The following STK32B variants were observed in gnomAD, a reference collection of about 807,000 sequenced individuals.
STK32B encodes serine/threonine kinase 32B.
In STK32B, 43 loss-of-function variants were observed where a neutral mutation model predicts 52.6. The ratio of observed to expected loss-of-function variants is 0.82; its 90% CI spans 0.64 to 1.05. STK32B has a LOEUF of 1.05. STK32B is among the 50% of genes least tolerant of loss of function. The pLI is 0.00. For synonymous variants in STK32B, 238 were observed against 204.3 expected (o/e 1.17, Z -1.41); for missense variants, 621 against 534.6 (o/e 1.16, Z -1.59).
the STK32B span, among the ~76,000 whole-genome samples, chr4:5,043,321 A>G: frequency 6.6e-6 from 1 of 152,148 alleles, no homozygotes; most frequent in Non-Finnish European, 1.5e-5. Context: ...TTAGAGCTCT[A>G]CTTGCAAGAG....
At chr4:5,297,582 T>C (rs1729284716) in intron 3 of STK32B, among the ~76,000 whole-genome samples, 1 of 152,064 alleles carries the variant, frequency 6.6e-6, no homozygotes, top group African/African-American at 2.4e-5. Flanking sequence ...TATACTTGTA[T>C]ATGCTTCACA....
intron 4 of STK32B, among the ~76,000 whole-genome samples, chr4:5,335,360 TTC>T (rs917867295): frequency 5.8e-4 from 88 of 152,334 alleles, no homozygotes; most frequent in Non-Finnish European, 4.1e-4. Context: ...TATTTGATTC[TTC>T]TCTCTTTTTT....
intron 1 of STK32B, among the ~76,000 whole-genome samples, chr4:5,074,986 C>T (rs1302442975): frequency 6.6e-6 from 1 of 152,158 alleles, no homozygotes; most frequent in Non-Finnish European, 1.5e-5. Flanking sequence ...ACTGAAATCT[C>T]TACTAAGCTC....
At chr4:5,079,746 C>T (rs187859234) in intron 1 of STK32B, among the ~76,000 whole-genome samples, 2 of 152,150 alleles carry the variant, frequency 1.3e-5, no homozygotes, top group African/African-American at 4.8e-5. Flanking sequence ...CTGTTCCCAG[C>T]TGGGCCAGGC....
intron 1 of STK32B, among the ~76,000 whole-genome samples, chr4:5,090,790 G>C (rs1156490574): frequency 1.3e-5 from 2 of 152,122 alleles, no homozygotes; most frequent in East Asian, 3.9e-4. Flanking sequence ...CCCATTGCTT[G>C]TTTTTGTCCA....
intron 2 of STK32B, chr4:5,140,373 C>A (rs1716346415): frequency 9.0e-7 from 1 of 1,111,400 alleles, no homozygotes; most frequent in Non-Finnish European, 1.1e-6. Flanking sequence ...GAGAAGATGG[C>A]AGGAGTTTTT....
Position 5,329,631 on chromosome 4 carries a change from C to T in STK32B, c.261-1589C>T, listed in dbSNP as rs559768042. ...CCAGCCCCTCCCAGGGCACTGTGCA[C>T]GCCTCCAGGGCGAAGACAGTTTCTT... On this transcript the variant is annotated intron_variant, in intron 3 of 11. Transcript: ENST00000282908. Among the ~76,000 whole-genome samples the T allele has an allele frequency of 6.6e-5, 10 of 152,288 alleles. No individual in the cohort carries two copies. In the East Asian group the frequency reaches 1.6e-3, roughly 24 times the overall value.
chr4:5,241,895 A>G (rs1725055984), intron 3 of STK32B, among the ~76,000 whole-genome samples: 1 of 152,200 alleles, frequency 6.6e-6, no homozygotes, highest in South Asian at 2.1e-4. Flanking sequence ...GTCCCTACAA[A>G]GGACATGAAC....
intron 11 of STK32B, among the ~76,000 whole-genome samples, chr4:5,484,511 C>T (rs1397544008): frequency 1.3e-5 from 2 of 152,132 alleles, no homozygotes; most frequent in Admixed American, 1.3e-4. Context: ...TTCCTGAATA[C>T]AGCACACGGA....
At chr4:5,103,791 C>A (rs1301874351) in intron 1 of STK32B, among the ~76,000 whole-genome samples, 1 of 152,132 alleles carries the variant, frequency 6.6e-6, no homozygotes, top group South Asian at 2.1e-4. Flanking sequence ...TTTAGGACTT[C>A]CATTATTTTT....
chr4:5,176,406 G>A (rs1449162416), intron 3 of STK32B, among the ~76,000 whole-genome samples: 2 of 146,644 alleles, frequency 1.4e-5, no homozygotes, highest in African/African-American at 5.0e-5. Context: ...ATTGGGAGCT[G>A]TAGACTGGAG....
At chr4:5,146,462 A>G (rs1018172132) in intron 2 of STK32B, among the ~76,000 whole-genome samples, 1 of 152,210 alleles carries the variant, frequency 6.6e-6, no homozygotes, top group African/African-American at 2.4e-5. Context: ...AAGAATCAGC[A>G]AGTCAGTTTC....
chr4:5,379,086 G>A (rs1216620609), intron 4 of STK32B, among the ~76,000 whole-genome samples: 2 of 152,142 alleles, frequency 1.3e-5, no homozygotes, highest in Non-Finnish European at 2.9e-5. Flanking sequence ...AGCCCTGAAT[G>A]AGGCTGCCCC....
intron 4 of STK32B, among the ~76,000 whole-genome samples, chr4:5,383,968 G>A (rs996738684): frequency 2.0e-5 from 3 of 152,208 alleles, no homozygotes; most frequent in African/African-American, 7.2e-5. Context: ...ATGAAGGAGG[G>A]GAGGTGATAG....
At chr4:5,330,931 G>A (rs1044847336) in intron 3 of STK32B, among the ~76,000 whole-genome samples, 5 of 152,184 alleles carry the variant, frequency 3.3e-5, no homozygotes, top group African/African-American at 1.2e-4. Context: ...ACATGCTGGA[G>A]TCCAGTAGTA....
intron 3 of STK32B, among the ~76,000 whole-genome samples, chr4:5,290,763 T>C (rs1728850086): frequency 1.5e-4 from 1 of 6,866 alleles, no homozygotes; most frequent in Admixed American, 2.0e-3. Flanking sequence ...AAATAAGATA[T>C]ACATAAAGAA....
chr4:5,052,894 TCACTC>T (rs1442290998), intron 1 of STK32B, among the ~76,000 whole-genome samples: 1 of 152,190 alleles, frequency 6.6e-6, no homozygotes, highest in Non-Finnish European at 1.5e-5. Flanking sequence ...CACATAGTGT[TCACTC>T]CATCCTTTTC....
intron 6 of STK32B, among the ~76,000 whole-genome samples, chr4:5,440,551 C>G (rs566395771): frequency 7.9e-5 from 12 of 152,304 alleles, no homozygotes; most frequent in African/African-American, 2.4e-4. Context: ...CATCTGCAAA[C>G]AGAGACAATT....
chr4:5,410,452 G>C (rs1298278747), intron 5 of STK32B, among the ~76,000 whole-genome samples: 1 of 152,152 alleles, frequency 6.6e-6, no homozygotes, highest in African/African-American at 2.4e-5. Flanking sequence ...CCTAACTCTT[G>C]GTCTTCCTTC....
Sources: gnomAD v4.1 joint callset for allele counts (sites outside exome capture counted in the v4.1 genomes callset) on GRCh38, gnomAD v4.1.1 for gene constraint, MANE v1.5 for transcripts, NCBI Gene and HGNC (gene_info 2026-07-23, HGNC 2026-07-21) for gene names.